TGM1: variants seen among roughly 807,000 people sequenced by gnomAD.
TGM1 encodes transglutaminase 1, also known as protein-glutamine gamma-glutamyltransferase K.
TGM1 carries 63 observed loss-of-function variants against 88.7 expected under a neutral mutation model. The ratio of observed to expected loss-of-function variants is 0.71; its 90% CI spans 0.58 to 0.88. The LOEUF (loss-of-function observed/expected upper bound fraction) is 0.88. Among genes scored for constraint, TGM1 ranks in the 40% least tolerant of loss-of-function variants. The probability of loss-of-function intolerance (pLI) is 0.00; values close to 1 mark genes in which losing one functional copy is unlikely to be tolerated. For synonymous variants in TGM1, 415 were observed against 431.1 expected, an observed-to-expected ratio of 0.96 and a Z score of 0.46; for missense variants, 996 against 1,118.0, an observed-to-expected ratio of 0.89 and a Z score of 1.56.
chr14:24,262,276 T>C lies in TGM1; in HGVS notation c.77A>G (p.Glu26Gly), dbSNP rs2040820316. ...PLQPPTTPSP[E>G]PEPEPDGRSR... is the part of the protein sequence containing the mutation. ...GCGTCCGTCTGGCTCTGGCTCTGGC[T>C]CTGGAGATGGCGTGGTAGGGGGCTG... The change falls in exon 2 of 15, where the codon GAG becomes GGG. Residue 26 changes from glutamate to glycine, a missense_variant. Glu to Gly is a moderately conservative substitution (Grantham distance 98). Transcript: ENST00000206765. The C allele has an allele frequency of 6.2e-7, 1 of 1,613,600 alleles. No homozygotes were observed. The highest frequency in any genetic ancestry group is 1.7e-5 in the Admixed American group (1 of 60,002).
chr14:24,254,414 C>T, intron 13 of TGM1, 126 bp from the exon 14 acceptor site: 1 of 1,438,922 alleles, frequency 6.9e-7, no homozygotes. Flanking sequence ...ATTTATCCTC[C>T]TGAGAGAAGA....
rs41293830 is a variant in TGM1, at chr14:24,253,501, G to A, written c.2225+651C>T. On this transcript the variant is annotated intron_variant, in intron 14 of 14. Transcript: ENST00000206765. The stretch of plus-strand genomic sequence containing the variant: ...GTGACAGAGAGAGAGAGAGACACAC[G>A]GGGTCTCACTCTGTCGCCCAGGCTG... Among the ~76,000 whole-genome samples the A allele has an allele frequency of 5.0e-3, 763 of 152,124 alleles. 23 individuals carry two copies. The East Asian group carries it at 0.079, about 16-fold the overall frequency.
intron 13 of TGM1, 36 bp downstream of exon 13, chr14:24,254,628 C>T: frequency 6.2e-7 from 1 of 1,613,382 alleles, no homozygotes; most frequent in East Asian, 2.2e-5. Flanking sequence ...CCTTCACTCT[C>T]TGACCACCCC....
At position 24,255,049 on chromosome 14, in the gene TGM1, G is replaced by T; in HGVS notation, c.1850C>A (p.Ser617Ter). 1 of 1,614,156 alleles carries T rather than the reference G, an allele frequency of 6.2e-7. No homozygotes were observed. The highest frequency in any genetic ancestry group is 8.5e-7 in the Non-Finnish European group (1 of 1,180,040). The part of the protein sequence containing the change: ...RRTVKLHLYL[S>*]VTFYTGVSGT... ...ACTGACACCAGTATAGAAAGTGACT[G>T]AGAGGTAGAGGTGCAGTTTCACTGT... Residue 617 changes from serine (S) to a stop codon, truncating the protein, a stop_gained, in exon 12 of 15, where the codon TCA (serine) becomes TAA (stop). Transcript: ENST00000206765. LOFTEE classifies it high-confidence loss of function. This position sits in a 1 kb window ranked among gnomAD's most constrained non-coding sequence, Gnocchi z 4.0.
chr14:24,254,966 A>T lies in TGM1; in HGVS notation c.1927+6T>A, dbSNP rs771416727. On this transcript the variant is annotated splice_donor_region_variant and intron_variant, in intron 12 of 14. Coordinates refer to ENST00000206765, the MANE Select transcript of TGM1 (RefSeq NM_000359.3). ...CAGGGGGCAGGGCTGGGTAAGGAGCACTTACAGGCCCCTGGTGCCAGCTCC... is the reference window on the plus strand; with the variant it reads ...CAGGGGGCAGGGCTGGGTAAGGAGCTCTTACAGGCCCCTGGTGCCAGCTCC... 17 of 1,613,498 alleles carry T rather than the reference A, an allele frequency of 1.1e-5. No individual in the cohort carries two copies. The highest frequency in any genetic ancestry group is 1.4e-5 in the Non-Finnish European group (17 of 1,180,004).
At chr14:24,256,689 A>AG (rs1566377659) in intron 9 of TGM1, among the ~76,000 whole-genome samples, 1 of 152,146 alleles carries the variant, frequency 6.6e-6, no homozygotes. Flanking sequence ...AGGCCTGGCA[A>AG]GAGAGGACAG....
In TGM1 at chr14:24,256,008, G is replaced by A. The variant is rs1249489400; in HGVS notation, c.1472C>T (p.Thr491Met). Residue 491 changes from threonine (T) to methionine (M), a missense_variant, in exon 10 of 15, where the codon ACG becomes ATG. Thr to Met is a moderately conservative substitution (Grantham distance 81, BLOSUM62 -1). Coordinates refer to ENST00000206765, the MANE Select transcript of TGM1 (RefSeq NM_000359.3). ...CCTCACCTCAGCAAAAATGAAAGGC[G>A]TGTCGTACTTCATGTAGACCAGGCC... ...KNGLVYMKYD[T>M]PFIFAEVNSD... The A allele has an allele frequency of 3.8e-6, 6 of 1,565,502 alleles. No individual in the cohort carries two copies. The highest frequency in any genetic ancestry group is 3.8e-5 in the Admixed American group (2 of 53,196).
rs2040785462 is a variant in TGM1 at position 24,259,361 on chromosome 14, A to G, written c.985-112T>C. The G allele has an allele frequency of 1.9e-6, 2 of 1,038,744 alleles. No homozygotes were observed. The highest frequency in any genetic ancestry group is 2.9e-6 in the Non-Finnish European group (2 of 690,040). The allele number at this position is 1,038,744 out of a possible 1,614,324, so 64.3% of individuals were successfully genotyped here. A position where few individuals can be genotyped will look rare whatever the true frequency, so the allele number is the denominator to read the frequency against. ...TCCTGCAACCACCCCTTACCCCTAA[A>G]TGCCTCAGGATCCAGACACCAGCCT... On this transcript the variant is annotated intron_variant, in intron 6 of 14. Coordinates refer to ENST00000206765, the MANE Select transcript of TGM1 (RefSeq NM_000359.3). The surrounding 1 kb of genome is among the most constrained non-coding windows in gnomAD (Gnocchi z 5.7).
chr14:24,260,320 T>A, intron 4 of TGM1, 130 bp downstream of exon 4: 1 of 1,444,904 alleles, frequency 6.9e-7, no homozygotes, highest in East Asian at 2.5e-5. Flanking sequence ...CTCGGTCCTC[T>A]CATCTGCCCA....
chr14:24,261,996 C>T (rs750317572), intron 2 of TGM1, 38 bp downstream of exon 2: 2 of 1,612,282 alleles, frequency 1.2e-6, no homozygotes, highest in Admixed American at 3.3e-5. Flanking sequence ...CCATTAAAGC[C>T]TTTTAGCTCT....
chr14:24,250,177 T>TGAGAGA (rs1238073181), intron 14 of TGM1, among the ~76,000 whole-genome samples: 19 of 21,482 alleles, frequency 8.8e-4, no homozygotes, highest in African/African-American at 3.4e-3. Flanking sequence ...TGTGTGTGTG[T>TGAGAGA]GTGAGAGAGA....
rs1272861085 is a variant in TGM1, at chr14:24,259,857, C to A, written c.877-46G>T. On this transcript the variant is annotated intron_variant, in intron 5 of 14. Coordinates refer to ENST00000206765, the MANE Select transcript of TGM1 (RefSeq NM_000359.3). The surrounding 1 kb of genome is among the most constrained non-coding windows in gnomAD (Gnocchi z 5.7). ...CAGAGGTGACAGCCTGAACCCTAGGCCAGCACCCTGCTCCAATACCCCAGC... is the reference window on the plus strand; with the variant it reads ...CAGAGGTGACAGCCTGAACCCTAGGACAGCACCCTGCTCCAATACCCCAGC... 6.2e-7 allele frequency: 1 copy of A among 1,609,434 alleles called. No individual in the cohort carries two copies. Among genetic ancestry groups the A allele is most frequent in the East Asian group, 2.2e-5 (1 of 44,858 alleles).
chr14:24,258,688 A>T lies in TGM1; in HGVS notation c.1160-15T>A. 6.2e-7 allele frequency: 1 copy of T among 1,613,108 alleles called. No homozygotes were observed. The highest frequency in any genetic ancestry group is 8.5e-7 in the Non-Finnish European group (1 of 1,179,088). On this transcript the variant is annotated splice_polypyrimidine_tract_variant and intron_variant, in intron 7 of 14. Transcript: ENST00000206765. ...GCAGCGCAGCACTGTGGAGGAGCGA[A>T]GGTTGGGGTTCAAGGCATGGGTTGG... is the stretch of plus-strand genomic sequence containing the variant.
chr14:24,259,834 G>C lies in TGM1; in HGVS notation c.877-23C>G. ...AAACTGGAAGGAGGGATGGAGGGCA[G>C]AGGTGACAGCCTGAACCCTAGGCCA... On this transcript the variant is annotated intron_variant, in intron 5 of 14. Transcript: ENST00000206765. The surrounding 1 kb of genome is among the most constrained non-coding windows in gnomAD (Gnocchi z 5.7). The C allele has an allele frequency of 1.2e-6, 2 of 1,611,718 alleles. No individual in the cohort carries two copies. Among genetic ancestry groups the C allele is most frequent in the Non-Finnish European group, 1.7e-6 (2 of 1,178,826 alleles).
intron 14 of TGM1, among the ~76,000 whole-genome samples, chr14:24,252,833 C>T (rs2040713123): frequency 6.6e-6 from 1 of 152,190 alleles, no homozygotes; most frequent in South Asian, 2.1e-4. Context: ...TGAAGCCTGC[C>T]CCTGTCCCAG....
intron 9 of TGM1, 149 bp downstream of exon 9, chr14:24,258,136 G>A (rs796917368): frequency 1.1e-5 from 7 of 623,162 alleles, no homozygotes; most frequent in South Asian, 3.9e-5. Flanking sequence ...TAACATCCAC[G>A]TGGTGGTTCA....
chr14:24,262,401 C>T (rs2040821904), intron 1 of TGM1, 47 bp from the exon 2 acceptor site: 1 of 1,595,320 alleles, frequency 6.3e-7, no homozygotes, highest in African/African-American at 1.3e-5. Flanking sequence ...TAGTCCCAGC[C>T]AGTTGACCCA....
intron 2 of TGM1, 75 bp from the exon 3 acceptor site, chr14:24,261,958 C>A (rs557123236): frequency 1.3e-5 from 21 of 1,609,964 alleles, no homozygotes; most frequent in Non-Finnish European, 1.7e-5. Flanking sequence ...CCTATCCCCC[C>A]CAGAAATGCC....
rs1359199127 is a variant in TGM1 at position 24,255,693 on chromosome 14, G to A, written c.1492-176C>T. On this transcript the variant is annotated intron_variant, in intron 10 of 14. Coordinates refer to ENST00000206765, the MANE Select transcript of TGM1 (RefSeq NM_000359.3). This position sits in a 1 kb window ranked among gnomAD's most constrained non-coding sequence, Gnocchi z 4.0. ...CCAAGACGAGCCAGACGAGGCCAGA[G>A]TGCAGGGAAGAAGCTGGTCTGGGAG... Among the ~76,000 whole-genome samples, 3 of 152,160 alleles carry A rather than the reference G, an allele frequency of 2.0e-5. No individual in the cohort carries two copies. Among genetic ancestry groups the A allele is most frequent in the African/African-American group, 7.2e-5 (3 of 41,426 alleles).
Sources: allele counts gnomAD v4.1 joint callset (sites outside exome capture counted in the v4.1 genomes callset), GRCh38; gene constraint gnomAD v4.1.1; non-coding constraint Gnocchi (gnomAD v3.1); transcripts MANE v1.5; gene names NCBI Gene and HGNC (gene_info 2026-07-23, HGNC 2026-07-21).